The following POU1F1 variants were observed in gnomAD, a reference collection of about 807,000 sequenced individuals.
POU1F1 encodes POU class 1 homeobox 1.
A neutral mutation model predicts 32.3 loss-of-function variants in POU1F1; 23 were observed. The observed-to-expected ratio is 0.71, with a 90% CI of 0.51 to 1.01. POU1F1 has a LOEUF of 1.01. Ranked by LOEUF, POU1F1 falls within the 50% of genes least tolerant of loss-of-function variation. POU1F1 has a pLI of 0.00. For missense variants in POU1F1, 323 were observed against 341.6 expected, an observed-to-expected ratio of 0.95 and a Z score of 0.43; for synonymous variants, 120 against 115.6, an observed-to-expected ratio of 1.04 and a Z score of -0.25.
intron 5 of POU1F1, among the ~76,000 whole-genome samples, chr3:87,260,840 A>C (rs933609396): frequency 6.6e-6 from 1 of 151,328 alleles, no homozygotes; most frequent in Non-Finnish European, 1.5e-5. Context: ...TCCATTTCTC[A>C]AAATTAAGTT....
chr3:87,266,143 A>G (rs994261443), intron 2 of POU1F1, among the ~76,000 whole-genome samples: 1 of 149,366 alleles, frequency 6.7e-6, no homozygotes, highest in African/African-American at 2.4e-5. Flanking sequence ...TATAATGAGC[A>G]AAGAATACCG....
intron 2 of POU1F1, among the ~76,000 whole-genome samples, chr3:87,272,568 A>G (rs1018145927): frequency 4.6e-5 from 7 of 152,208 alleles, no homozygotes; most frequent in Non-Finnish European, 8.8e-5. Flanking sequence ...AATAGATCTC[A>G]TAAGCCAGAT....
intron 3 of POU1F1, 56 bp downstream of exon 3, chr3:87,264,232 G>A (rs2106930103): frequency 2.2e-6 from 3 of 1,337,680 alleles, no homozygotes; most frequent in South Asian, 1.2e-5. Context: ...AGATTTAACA[G>A]CAATAAAGAT....
In POU1F1 at chr3:87,259,886, G is replaced by A. The variant is rs771870583; in HGVS notation, c.*8C>T. ...GGGAGAAAAAGGCTATTATACAATA[G>A]AAAAATCTTATCTGCACTCAAGATG... On this transcript the variant is annotated 3_prime_UTR_variant, in exon 6 of 6. Coordinates refer to ENST00000350375, the MANE Select transcript of POU1F1 (RefSeq NM_000306.4). 75 of 1,608,688 alleles carry A rather than the reference G, an allele frequency of 4.7e-5. 1 individual carries two copies. In the South Asian group the frequency reaches 8.0e-4, roughly 17 times the overall value.
chr3:87,259,814 C>A lies in POU1F1; in HGVS notation c.*80G>T. 1 of 1,231,724 alleles carries A rather than the reference C, an allele frequency of 8.1e-7. No individual in the cohort carries two copies. Among genetic ancestry groups the A allele is most frequent in the South Asian group, 1.3e-5 (1 of 78,270 alleles). The allele number at this position is 1,231,724 out of a possible 1,614,324, so 76.3% of individuals were successfully genotyped here. A position where few individuals can be genotyped will look rare whatever the true frequency, so the allele number is the denominator to read the frequency against. On this transcript the variant is annotated 3_prime_UTR_variant, in exon 6 of 6. Coordinates refer to ENST00000350375, the MANE Select transcript of POU1F1 (RefSeq NM_000306.4). ...CTATTGATATAAAATGATTTTAAGT[C>A]AACCAAGTAATTTCTGTTTTTGTTG...
chr3:87,270,570 G>A lies in POU1F1; in HGVS notation c.214+2777C>T, dbSNP rs576574551. Among the ~76,000 whole-genome samples the A allele has an allele frequency of 2.6e-5, 4 of 152,180 alleles. No homozygotes were observed. In the South Asian group the frequency reaches 8.3e-4, roughly 32 times the overall value. On this transcript the variant is annotated intron_variant, in intron 2 of 5. Transcript: ENST00000350375. ...AATGAAATAACCATATGAAAATAAA[G>A]TAATTTCACATATTTTAGAAATATA...
chr3:87,263,073 G>T (rs1706541572), intron 3 of POU1F1, among the ~76,000 whole-genome samples: 2 of 152,056 alleles, frequency 1.3e-5, no homozygotes, highest in East Asian at 1.9e-4. Context: ...TGTTCATTCT[G>T]CAAGTGCAGA....
At position 87,276,400 on chromosome 3, in the gene POU1F1, T is replaced by G. The variant is rs146118849; in HGVS notation, c.63A>C (p.Ala21=). ...TGTGATGCATTATCAGAGGCAGAGT[T>G]GCAGAGGCGTCAGAATTCAGAGGTA... The part of the protein sequence containing the change: ...TFIPLNSDAS[A]TLPLIMHHSA... The change falls in exon 1 of 6, where the codon GCA becomes GCC. Residue 21 remains alanine, a synonymous_variant. Coordinates refer to ENST00000350375, the MANE Select transcript of POU1F1 (RefSeq NM_000306.4). 3.1e-6 allele frequency: 5 copies of G among 1,614,002 alleles called. No homozygotes were observed. The highest frequency in any genetic ancestry group is 4.2e-6 in the Non-Finnish European group (5 of 1,179,948).
Position 87,264,300 on chromosome 3 carries a change from G to A in POU1F1, c.427C>T (p.Arg143Ter), listed in dbSNP as rs142046308. Residue 143 changes from arginine to a stop codon, truncating the protein, a stop_gained, in exon 3 of 6, where the codon CGA becomes TGA. Transcript: ENST00000350375. LOFTEE classifies it high-confidence loss of function. ...AACAAGCACATACCTAATTTAATTC[G>A]TCTCACTTTAAATTCATTGGCAAAC... Reference protein sequence around the residue: ...EKFANEFKVRRIKLGYTQTNV... With the variant: ...EKFANEFKVR The A allele has an allele frequency of 3.1e-6, 5 of 1,611,042 alleles. No individual in the cohort carries two copies. The highest frequency in any genetic ancestry group is 4.2e-6 in the Non-Finnish European group (5 of 1,177,504).
chr3:87,275,664 TC>T (rs1706812856), intron 1 of POU1F1, among the ~76,000 whole-genome samples: 1 of 152,110 alleles, frequency 6.6e-6, no homozygotes, highest in African/African-American at 2.4e-5. Flanking sequence ...TAATTTTTGT[TC>T]TAAAAAGTTA....
chr3:87,272,392 G>A (rs2106939631), intron 2 of POU1F1, among the ~76,000 whole-genome samples: 1 of 152,206 alleles, frequency 6.6e-6, no homozygotes, highest in Non-Finnish European at 1.5e-5. Context: ...CCATGCTGGT[G>A]CGCTGCACCC....
chr3:87,274,594 A>C (rs1706793206), intron 1 of POU1F1, among the ~76,000 whole-genome samples: 1 of 151,682 alleles, frequency 6.6e-6, no homozygotes, highest in East Asian at 1.9e-4. Context: ...GCTCAAAAGA[A>C]CTAAAGTCAT....
intron 2 of POU1F1, among the ~76,000 whole-genome samples, chr3:87,269,789 T>TTTGTC (rs1293473082): frequency 6.6e-6 from 1 of 152,050 alleles, no homozygotes; most frequent in African/African-American, 2.4e-5. Flanking sequence ...TTTGTTTTGT[T>TTTGTC]TTGTTTTGTT....
chr3:87,265,432 G>C lies in POU1F1; in HGVS notation c.215-920C>G, dbSNP rs1461228546. Among the ~76,000 whole-genome samples, 7 of 152,106 alleles carry C rather than the reference G, an allele frequency of 4.6e-5. No individual in the cohort carries two copies. The South Asian group carries it at 6.2e-4, about 14-fold the overall frequency. On this transcript the variant is annotated intron_variant, in intron 2 of 5. Coordinates refer to ENST00000350375, the MANE Select transcript of POU1F1 (RefSeq NM_000306.4). ...CCAGATTTCCTTTTTCATTGGAAGA[G>C]TCTATCTCAGTTGGGAAGTATAGGT...
intron 1 of POU1F1, among the ~76,000 whole-genome samples, chr3:87,274,657 C>A (rs966291919): frequency 4.0e-5 from 6 of 151,402 alleles, no homozygotes; most frequent in South Asian, 4.2e-4. Flanking sequence ...CAAAATTAAG[C>A]AAATTATCAT....
At chr3:87,270,149 G>C (rs796363573) in intron 2 of POU1F1, among the ~76,000 whole-genome samples, 19 of 152,184 alleles carry the variant, frequency 1.2e-4, no homozygotes, top group African/African-American at 4.6e-4. Flanking sequence ...AATTCTCTAA[G>C]TTCTCAGGAG....
intron 5 of POU1F1, among the ~76,000 whole-genome samples, chr3:87,260,934 G>C (rs904621334): frequency 2.1e-5 from 3 of 146,272 alleles, no homozygotes; most frequent in Non-Finnish European, 1.5e-5. Flanking sequence ...ATTTTGAGAC[G>C]GTGTCTCGCT....
rs932890173 is a variant in POU1F1 at position 87,270,245 on chromosome 3, C to T, written c.214+3102G>A. 4.9e-4 allele frequency among the ~76,000 whole-genome samples: 74 copies of T among 152,132 alleles called. 2 individuals are homozygous for T. Among genetic ancestry groups the T allele is most frequent in the Non-Finnish European group, 4.4e-5 (3 of 68,022 alleles). On this transcript the variant is annotated intron_variant, in intron 2 of 5. Coordinates refer to ENST00000350375, the MANE Select transcript of POU1F1 (RefSeq NM_000306.4). Reference sequence around the variant, plus strand: ...ATTTTGAGCTGACACAAATTTGCTACTACTCAACCCCAGTAGAGTTGTAGT... The same window carrying T: ...ATTTTGAGCTGACACAAATTTGCTATTACTCAACCCCAGTAGAGTTGTAGT...
chr3:87,259,870 A>G lies in POU1F1; in HGVS notation c.*24T>C. 6.3e-7 allele frequency: 1 copy of G among 1,578,398 alleles called. No homozygotes were observed. The highest frequency in any genetic ancestry group is 8.7e-7 in the Non-Finnish European group (1 of 1,148,098). ...GAGAAAGGAATGAAACGGGAGAAAA[A>G]GGCTATTATACAATAGAAAAATCTT... On this transcript the variant is annotated 3_prime_UTR_variant, in exon 6 of 6. Coordinates refer to ENST00000350375, the MANE Select transcript of POU1F1 (RefSeq NM_000306.4).
Sources: gnomAD v4.1 joint callset for allele counts (sites outside exome capture counted in the v4.1 genomes callset) on GRCh38, gnomAD v4.1.1 for gene constraint, MANE v1.5 for transcripts, NCBI Gene and HGNC (gene_info 2026-07-23, HGNC 2026-07-21) for gene names.